Variants in TCF7L2 observed in about 807,000 individuals in gnomAD.
TCF7L2 encodes transcription factor 7 like 2.
TCF7L2 carries 23 observed loss-of-function variants against 77.9 expected under a neutral mutation model. The observed-to-expected ratio is 0.30, with a 90% CI of 0.21 to 0.42. The LOEUF (loss-of-function observed/expected upper bound fraction) is 0.42. Among genes scored for constraint, TCF7L2 ranks in the 10% least tolerant of loss-of-function variants. The pLI, the probability that TCF7L2 is intolerant of heterozygous loss-of-function variation, is 1.00. For missense variants in TCF7L2, 654 were observed against 793.1 expected (o/e 0.82, Z 2.11); for synonymous variants, 413 against 340.2 (o/e 1.21, Z -2.36).
chr10:113,118,134 T>C (rs2064136590), intron 5 of TCF7L2, among the ~76,000 whole-genome samples: 1 of 152,182 alleles, frequency 6.6e-6, no homozygotes, highest in Admixed American at 6.5e-5. Flanking sequence ...GGTGGTGTTT[T>C]AATTTTCTGG....
chr10:113,159,724 A>G (rs1281119554), intron 12 of TCF7L2, among the ~76,000 whole-genome samples, 196 bp from the exon 14 acceptor site: 2 of 150,416 alleles, frequency 1.3e-5, no homozygotes, highest in Non-Finnish European at 3.0e-5. Context: ...TTTTTTTTTA[A>G]TTAAAGAAAG....
intron 4 of TCF7L2, among the ~76,000 whole-genome samples, chr10:113,009,430 C>CT (rs1156817442): frequency 6.6e-6 from 1 of 152,172 alleles, no homozygotes; most frequent in Non-Finnish European, 1.5e-5. Flanking sequence ...CCTGGAGACT[C>CT]TCGCCTGCAT....
At chr10:113,059,564 G>T (rs989494196) in intron 5 of TCF7L2, among the ~76,000 whole-genome samples, 1 of 152,080 alleles carries the variant, frequency 6.6e-6, no homozygotes, top group Admixed American at 6.6e-5. Flanking sequence ...TTCAGCTCAC[G>T]GTGGACTGTG....
intron 5 of TCF7L2, among the ~76,000 whole-genome samples, chr10:113,097,188 C>T (rs958047194): frequency 1.3e-5 from 2 of 152,166 alleles, no homozygotes; most frequent in African/African-American, 4.8e-5. Context: ...TGTGGTAAGC[C>T]TTGTGGTTCG....
chr10:113,016,620 T>C (rs2047377731), intron 4 of TCF7L2, among the ~76,000 whole-genome samples: 1 of 152,174 alleles, frequency 6.6e-6, no homozygotes, highest in South Asian at 2.1e-4. Flanking sequence ...CTCCGCTCTT[T>C]CCCTTCCTTC....
intron 6 of TCF7L2, 97 bp downstream of exon 6, chr10:113,141,413 G>A (rs2136855128): frequency 6.6e-7 from 1 of 1,523,472 alleles, no homozygotes; most frequent in Non-Finnish European, 8.8e-7. Context: ...TGGAGCAGTA[G>A]GGGACTTTGG....
chr10:113,071,505 CTT>C (rs2058008952), intron 5 of TCF7L2, among the ~76,000 whole-genome samples: 1 of 152,150 alleles, frequency 6.6e-6, no homozygotes, highest in South Asian at 2.1e-4. Context: ...GAAACCCCTC[CTT>C]TTCTCGTCTT....
chr10:113,134,024 G>C (rs1412717539), intron 5 of TCF7L2, among the ~76,000 whole-genome samples: 1 of 152,172 alleles, frequency 6.6e-6, no homozygotes, highest in Non-Finnish European at 1.5e-5. Context: ...GTTTCTCCAA[G>C]TAAAACTCGA....
At chr10:113,073,959 G>T (rs2058408597) in intron 5 of TCF7L2, among the ~76,000 whole-genome samples, 1 of 152,202 alleles carries the variant, frequency 6.6e-6, no homozygotes, top group South Asian at 2.1e-4. Context: ...AGGCACCAGG[G>T]TCGTGTGCTG....
chr10:112,962,307 C>T (rs960186046), intron 3 of TCF7L2, among the ~76,000 whole-genome samples: 1 of 151,866 alleles, frequency 6.6e-6, no homozygotes, highest in Non-Finnish European at 1.5e-5. Flanking sequence ...CTGAATCAGG[C>T]GATTGGAAAA....
At chr10:113,105,062 T>G (rs2135971180) in intron 5 of TCF7L2, among the ~76,000 whole-genome samples, 1 of 152,368 alleles carries the variant, frequency 6.6e-6, no homozygotes. Context: ...TAGGTCTCTC[T>G]TTACTGCTTC....
chr10:113,099,303 C>T (rs750975522), intron 5 of TCF7L2, among the ~76,000 whole-genome samples: 1 of 152,144 alleles, frequency 6.6e-6, no homozygotes, highest in Non-Finnish European at 1.5e-5. Flanking sequence ...GATGTCAGGA[C>T]AGATTTTTAA....
chr10:113,083,575 T>C (rs1387683566), intron 5 of TCF7L2, among the ~76,000 whole-genome samples: 1 of 152,196 alleles, frequency 6.6e-6, no homozygotes, highest in Non-Finnish European at 1.5e-5. Flanking sequence ...GTGAGAATTA[T>C]CGATGGTGCA....
At chr10:112,983,719 T>C (rs2040943949) in intron 4 of TCF7L2, among the ~76,000 whole-genome samples, 1 of 152,150 alleles carries the variant, frequency 6.6e-6, no homozygotes, top group Non-Finnish European at 1.5e-5. Flanking sequence ...CCTTTGGAAA[T>C]TGTGATTGGA....
chr10:112,991,244 C>A (rs986403425), intron 4 of TCF7L2, among the ~76,000 whole-genome samples: 7 of 152,000 alleles, frequency 4.6e-5, no homozygotes, highest in Non-Finnish European at 1.0e-4. Context: ...AAGTGGGGAA[C>A]CCTGGCCGGG....
chr10:113,103,007 T>C (rs573461683), intron 5 of TCF7L2, among the ~76,000 whole-genome samples: 1 of 152,378 alleles, frequency 6.6e-6, no homozygotes, highest in South Asian at 2.1e-4. Flanking sequence ...GTGGTTTTCA[T>C]ATATTAACTC....
intron 4 of TCF7L2, among the ~76,000 whole-genome samples, chr10:113,014,943 G>A (rs570995763): frequency 1.3e-5 from 2 of 152,058 alleles, no homozygotes; most frequent in South Asian, 2.1e-4. Context: ...ATCCCAGCAC[G>A]CTGGGAGGCC....
At chr10:113,081,297 C>T (rs989319884) in intron 5 of TCF7L2, among the ~76,000 whole-genome samples, 1 of 152,252 alleles carries the variant, frequency 6.6e-6, no homozygotes, top group Non-Finnish European at 1.5e-5. Flanking sequence ...TTACAGCACA[C>T]AACACGCACC....
chr10:113,129,711 CT>C, intron 5 of TCF7L2: 1 of 1,205,014 alleles, frequency 8.3e-7, no homozygotes, highest in Non-Finnish European at 1.0e-6. Flanking sequence ...TTTTTCAGTT[CT>C]TTAAGTGAAA....
Sources: gnomAD v4.1 joint callset for allele counts (sites outside exome capture counted in the v4.1 genomes callset) on GRCh38, gnomAD v4.1.1 for gene constraint, MANE v1.5 for transcripts, NCBI Gene and HGNC (gene_info 2026-07-23, HGNC 2026-07-21) for gene names.